Variants in IL6ST observed in about 807,000 individuals in gnomAD.
IL6ST encodes the protein interleukin 6 cytokine family signal transducer.
IL6ST carries 24 observed loss-of-function variants against 91.3 expected under a neutral mutation model. That is an observed-to-expected ratio of 0.26 (90% CI 0.19 to 0.37). The LOEUF is 0.37. Among genes scored for constraint, IL6ST ranks in the 10% least tolerant of loss-of-function variants. The pLI is 1.00. For synonymous variants in IL6ST, 351 were observed against 373.6 expected (o/e 0.94, Z 0.70); for missense variants, 914 against 1,078.5 (o/e 0.85, Z 2.14).
At chr5:55,977,948 G>A (rs971720891) in intron 2 of IL6ST, among the ~76,000 whole-genome samples, 5 of 151,656 alleles carry the variant, frequency 3.3e-5, no homozygotes, top group Non-Finnish European at 7.4e-5. Flanking sequence ...GCAGTGAGCT[G>A]AGATGGCACC....
intron 2 of IL6ST, among the ~76,000 whole-genome samples, chr5:55,981,870 G>C (rs1164818207): frequency 6.6e-6 from 1 of 152,100 alleles, no homozygotes; most frequent in Non-Finnish European, 1.5e-5. Flanking sequence ...AACCTAACTA[G>C]TAACCATAAA....
intron 11 of IL6ST, among the ~76,000 whole-genome samples, chr5:55,953,015 C>T (rs1751736625): frequency 6.6e-6 from 1 of 151,766 alleles, no homozygotes; most frequent in African/African-American, 2.4e-5. Flanking sequence ...GAGCCGAGAT[C>T]GCACCACTGC....
intron 2 of IL6ST, among the ~76,000 whole-genome samples, chr5:55,976,793 G>A (rs1753317088): frequency 6.6e-6 from 1 of 152,112 alleles, no homozygotes; most frequent in Non-Finnish European, 1.5e-5. Flanking sequence ...GGAAATACAA[G>A]TAAATCAAGC....
intron 8 of IL6ST, 84 bp downstream of exon 8, chr5:55,960,311 TAAGAAGC>T: frequency 1.0e-6 from 1 of 970,756 alleles, no homozygotes. Context: ...GATCACAAAC[TAAGAAGC>T]AATGAGGCTA....
rs1408689574 is a variant in IL6ST at position 55,956,048 on chromosome 5, G to C, written c.1244C>G (p.Thr415Ser). ...ACCTTGAAAGTCACAGGCAGGGATA[G>C]TTAAAACAGCTGCATCTGATTTGCC... ...LVGKSDAAVL[T>S]IPACDFQATH... The change falls in exon 10 of 17, where the codon ACT (threonine) becomes AGT (serine). Residue 415 changes from threonine (T) to serine (S), a missense_variant. Transcript: ENST00000381298. 1 of 1,613,250 alleles carries C rather than the reference G, an allele frequency of 6.2e-7. No homozygotes were observed. The highest frequency in any genetic ancestry group is 8.5e-7 in the Non-Finnish European group (1 of 1,179,224).
intron 3 of IL6ST, among the ~76,000 whole-genome samples, chr5:55,971,112 T>A (rs1165250465): frequency 6.6e-6 from 1 of 152,230 alleles, no homozygotes. Context: ...TAAATGAGCA[T>A]GTCCAAAACT....
At chr5:55,964,335 T>C in intron 5 of IL6ST, 23 bp from the exon 6 acceptor site, 2 of 1,573,366 alleles carry the variant, frequency 1.3e-6, no homozygotes, top group Non-Finnish European at 1.7e-6. Flanking sequence ...AATTGAAGAA[T>C]CAGTCATTAA....
At chr5:55,973,449 G>A (rs996501527) in intron 3 of IL6ST, among the ~76,000 whole-genome samples, 3 of 152,058 alleles carry the variant, frequency 2.0e-5, no homozygotes, top group Non-Finnish European at 2.9e-5. Flanking sequence ...TCTCTCTCCC[G>A]GGATATCTGC....
intron 9 of IL6ST, 141 bp downstream of exon 9, chr5:55,957,068 G>T (rs905565206): frequency 2.7e-5 from 12 of 447,546 alleles, no homozygotes; most frequent in Non-Finnish European, 2.4e-5. Flanking sequence ...TGAGGCAGGA[G>T]AATCACTTGA....
In IL6ST at chr5:55,988,164, T is replaced by C. The variant is rs779370847; in HGVS notation, c.-103-5353A>G. ...AAAAAAAAAGGAAGAAAGAAACCTA[T>C]AATAAGCATCTATAGGTTTAAAGGT... On this transcript the variant is annotated intron_variant, in intron 1 of 16. Coordinates refer to ENST00000381298, the MANE Select transcript of IL6ST (RefSeq NM_002184.4). Among the ~76,000 whole-genome samples the C allele has an allele frequency of 5.3e-5, 8 of 150,438 alleles. No individual in the cohort carries two copies. The East Asian group carries it at 5.8e-4, about 11-fold the overall frequency.
intron 9 of IL6ST, 100 bp from the exon 10 acceptor site, chr5:55,956,335 CTAAA>C (rs1751972536): frequency 7.4e-6 from 5 of 677,422 alleles, no homozygotes; most frequent in Non-Finnish European, 1.2e-5. Flanking sequence ...TGTCAAATCT[CTAAA>C]TATTTAACTG....
intron 2 of IL6ST, among the ~76,000 whole-genome samples, chr5:55,979,292 G>T (rs1753506529): frequency 6.6e-6 from 1 of 152,166 alleles, no homozygotes; most frequent in African/African-American, 2.4e-5. Context: ...TTTTACAGAA[G>T]TTCAAAAAGA....
intron 10 of IL6ST, 165 bp downstream of exon 10, chr5:55,955,860 G>GA: frequency 2.3e-6 from 1 of 426,946 alleles, no homozygotes; most frequent in Non-Finnish European, 4.1e-6. Flanking sequence ...CTGAAAAAAA[G>GA]AAAATCATTA....
In IL6ST at chr5:55,935,720, T is replaced by G. The variant is rs961870160; in HGVS notation, c.*5362A>C. 1 of 217,280 alleles carries G rather than the reference T, an allele frequency of 4.6e-6. No homozygotes were observed. Among genetic ancestry groups the G allele is most frequent in the Non-Finnish European group, 9.2e-6 (1 of 108,310 alleles). 13.5% of individuals were successfully genotyped at this position (217,280 alleles called of 1,614,324 possible). A position where few individuals can be genotyped will look rare whatever the true frequency, so the allele number is the denominator to read the frequency against. On this transcript the variant is annotated 3_prime_UTR_variant, in exon 17 of 17. Transcript: ENST00000381298. Reference sequence around the variant, plus strand: ...GAAGAGCCTATACGCAGTTGTAATATATTTCGTATTTTGAAAGTGTAGAAG... The same window carrying G: ...GAAGAGCCTATACGCAGTTGTAATAGATTTCGTATTTTGAAAGTGTAGAAG...
chr5:55,941,931 T>G, intron 16 of IL6ST, 112 bp from the exon 17 acceptor site: 1 of 856,496 alleles, frequency 1.2e-6, no homozygotes, highest in Non-Finnish European at 1.8e-6. Flanking sequence ...CTGTATTATG[T>G]CACTAAGTCA....
chr5:55,967,094 G>A (rs528613392), intron 5 of IL6ST, among the ~76,000 whole-genome samples: 52 of 151,804 alleles, frequency 3.4e-4, no homozygotes, highest in African/African-American at 1.2e-3. Context: ...GCCAGATCAC[G>A]AGGTCAGGAG....
At chr5:55,960,632 A>T in intron 7 of IL6ST, 71 bp from the exon 8 acceptor site, 1 of 1,489,478 alleles carries the variant, frequency 6.7e-7, no homozygotes, top group Non-Finnish European at 9.1e-7. Context: ...TAAAATTCAG[A>T]AACTTTTTTT....
intron 9 of IL6ST, 54 bp from the exon 10 acceptor site, chr5:55,956,289 A>G: frequency 3.6e-6 from 4 of 1,105,362 alleles, no homozygotes; most frequent in Non-Finnish European, 5.3e-6. Flanking sequence ...TGAATAAAAA[A>G]TCAGTTTTTC....
In IL6ST at chr5:55,937,429, C is replaced by T. The variant is rs1191748454; in HGVS notation, c.*3653G>A. Reference sequence around the variant, plus strand: ...TATGATGGAAAAAAATAGGTTAATGCAAAAGATAATACGCTTGGCTTTGTA... The same window carrying T: ...TATGATGGAAAAAAATAGGTTAATGTAAAAGATAATACGCTTGGCTTTGTA... On this transcript the variant is annotated 3_prime_UTR_variant, in exon 17 of 17. Coordinates refer to ENST00000381298, the MANE Select transcript of IL6ST (RefSeq NM_002184.4). The T allele has an allele frequency of 4.7e-6, 1 of 212,472 alleles. No individual in the cohort carries two copies. Among genetic ancestry groups the T allele is most frequent in the Non-Finnish European group, 9.5e-6 (1 of 104,972 alleles). 13.2% of individuals were successfully genotyped at this position (212,472 alleles called of 1,614,324 possible). A position where few individuals can be genotyped will look rare whatever the true frequency, so the allele number is the denominator to read the frequency against.
Sources: allele counts gnomAD v4.1 joint callset (sites outside exome capture counted in the v4.1 genomes callset), GRCh38; gene constraint gnomAD v4.1.1; transcripts MANE v1.5; gene names NCBI Gene and HGNC (gene_info 2026-07-23, HGNC 2026-07-21).